The following TMCC3 variants were observed in gnomAD, a reference collection of about 807,000 sequenced individuals.
TMCC3 encodes transmembrane and coiled-coil domain protein 3.
Under a neutral mutation model 40.2 loss-of-function variants are expected in TMCC3, and 28 were observed. The observed-to-expected ratio is 0.70, with a 90% CI of 0.52 to 0.95. The LOEUF is 0.95. Among genes scored for constraint, TMCC3 ranks in the 40% least tolerant of loss-of-function variants. TMCC3 has a pLI of 0.00. For missense variants in TMCC3, 554 were observed against 615.2 expected (o/e 0.90, Z 1.05); for synonymous variants, 255 against 248.5 (o/e 1.03, Z -0.25).
intron 1 of TMCC3, among the ~76,000 whole-genome samples, chr12:94,617,930 T>C (rs1323466704): frequency 6.6e-6 from 1 of 152,236 alleles, no homozygotes; most frequent in Non-Finnish European, 1.5e-5. Context: ...GCCTCTATCC[T>C]CTGGCTCAGT....
At chr12:94,602,988 G>C (rs1337574138) in intron 1 of TMCC3, among the ~76,000 whole-genome samples, 1 of 152,196 alleles carries the variant, frequency 6.6e-6, no homozygotes, top group African/African-American at 2.4e-5. Context: ...AGGTCTGTAA[G>C]GCTGGCATCC....
intron 1 of TMCC3, among the ~76,000 whole-genome samples, chr12:94,608,633 CA>C (rs1268638173): frequency 6.6e-6 from 1 of 152,056 alleles, no homozygotes; most frequent in East Asian, 1.9e-4. Context: ...AGCCGGAAGC[CA>C]AAGTCCTCAT....
rs111947128 is a variant in TMCC3, at chr12:94,582,067, T to A, written c.550A>T (p.Ser184Cys). 5.0e-6 allele frequency: 8 copies of A among 1,614,084 alleles called. No homozygotes were observed. The highest frequency in any genetic ancestry group is 6.8e-6 in the Non-Finnish European group (8 of 1,180,054). ...SRTAPHCMES[S>C]KSGMPGVSLT... ...GAGACCCCTGGCATGCCCGATTTGC[T>A]GCTCTCCATGCAATGGGGGGCAGTT... Residue 184 changes from serine (S) to cysteine (C), a missense_variant, in exon 2 of 4, where the codon AGC becomes TGC. By Grantham distance (112) the Ser-to-Cys change is moderately radical. Transcript: ENST00000261226.
Position 94,594,232 on chromosome 12 carries a change from C to CACACACACAGAGAG in TMCC3, c.79-11695_79-11694insCTCTCTGTGTGTGT, listed in dbSNP as rs1446763750. Among the ~76,000 whole-genome samples the CACACACACAGAGAG allele has an allele frequency of 1.0e-3, 151 of 147,532 alleles. 3 individuals are homozygous for CACACACACAGAGAG. The highest frequency in any genetic ancestry group is 3.6e-3 in the African/African-American group (135 of 37,766). ...ATATATATATACACACACACACACA[C>CACACACACAGAGAG]AGAGTGAGAGAGAGAGAGGTCTCTC... On this transcript the variant is annotated intron_variant, in intron 1 of 3. Transcript: ENST00000261226.
In TMCC3 at chr12:94,582,455, G is replaced by A; in HGVS notation, c.162C>T (p.Val54=). Residue 54 remains valine, a synonymous_variant, in exon 2 of 4, where the codon GTC becomes GTT. Transcript: ENST00000261226. ...GGSDTNLNFD[V]PDGILDFHKV... is the part of the protein sequence containing the mutation. The stretch of plus-strand genomic sequence containing the variant: ...TGTGGAAGTCCAGGATGCCATCCGG[G>A]ACATCAAAGTTGAGGTTGGTGTCTG... 6.2e-7 allele frequency: 1 copy of A among 1,613,956 alleles called. No homozygotes were observed. The highest frequency in any genetic ancestry group is 8.5e-7 in the Non-Finnish European group (1 of 1,180,016).
chr12:94,634,886 T>C lies in TMCC3; in HGVS notation c.78+15467A>G, dbSNP rs116684000. Among the ~76,000 whole-genome samples the C allele has an allele frequency of 5.1e-3, 771 of 152,366 alleles. 5 individuals carry two copies. Among genetic ancestry groups the C allele is most frequent in the African/African-American group, 0.016 (685 of 41,594 alleles). On this transcript the variant is annotated intron_variant, in intron 1 of 3. Transcript: ENST00000261226. ...TAATTTGCTTAAGTCAGGAGGCTTCTACAAGCATGGTGCCTTTCCCAAATG... is the reference window on the plus strand; with the variant it reads ...TAATTTGCTTAAGTCAGGAGGCTTCCACAAGCATGGTGCCTTTCCCAAATG...
intron 1 of TMCC3, among the ~76,000 whole-genome samples, chr12:94,614,723 G>A (rs1487115951): frequency 1.3e-5 from 2 of 151,786 alleles, no homozygotes; most frequent in South Asian, 2.1e-4. Flanking sequence ...GGAACAACTG[G>A]CCTCTCTGAC....
intron 3 of TMCC3, among the ~76,000 whole-genome samples, chr12:94,574,846 A>G (rs2068554746): frequency 6.6e-6 from 1 of 152,246 alleles, no homozygotes; most frequent in Non-Finnish European, 1.5e-5. Flanking sequence ...AGGAAAATCC[A>G]TGAATCTTTG....
At chr12:94,628,204 CCA>C (rs2068913916) in intron 1 of TMCC3, among the ~76,000 whole-genome samples, 2 of 152,274 alleles carry the variant, frequency 1.3e-5, no homozygotes, top group Non-Finnish European at 2.9e-5. Context: ...GACATAGGTA[CCA>C]CTAACCTCAA....
At chr12:94,646,343 C>CAT (rs1383134936) in intron 1 of TMCC3, among the ~76,000 whole-genome samples, 1 of 149,288 alleles carries the variant, frequency 6.7e-6, no homozygotes, top group East Asian at 2.0e-4. Flanking sequence ...ATTAACCTGA[C>CAT]ATATAGACAA....
chr12:94,593,548 TAGA>T (rs2068696774), intron 1 of TMCC3, among the ~76,000 whole-genome samples: 1 of 151,670 alleles, frequency 6.6e-6, no homozygotes, highest in Non-Finnish European at 1.5e-5. Flanking sequence ...GAACAGGGGC[TAGA>T]ATACATATAT....
At chr12:94,610,584 C>T (rs2068810158) in intron 1 of TMCC3, among the ~76,000 whole-genome samples, 1 of 152,106 alleles carries the variant, frequency 6.6e-6, no homozygotes, top group East Asian at 1.9e-4. Context: ...CACCAACCAC[C>T]CCATCTGCTG....
rs1045063864 is a variant in TMCC3, at chr12:94,571,251, G to A, written c.*184C>T. 11 of 647,284 alleles carry A rather than the reference G, an allele frequency of 1.7e-5. No homozygotes were observed. The Admixed American group carries it at 2.1e-4, about 12-fold the overall frequency. 40.1% of individuals were successfully genotyped at this position (647,284 alleles called of 1,614,324 possible). The stretch of plus-strand genomic sequence containing the variant: ...AGCTCTGAAACAGATTCGTGTTAAC[G>A]AAGTACAAGGACTGAGTTGGCAACT... On this transcript the variant is annotated 3_prime_UTR_variant, in exon 4 of 4. Coordinates refer to ENST00000261226, the MANE Select transcript of TMCC3 (RefSeq NM_020698.4).
At chr12:94,616,089 T>A (rs1273880715) in intron 1 of TMCC3, 2 of 985,316 alleles carry the variant, frequency 2.0e-6, no homozygotes, top group Non-Finnish European at 1.2e-6. Context: ...TCTCGGGGTA[T>A]TCCTGTGTTT....
intron 1 of TMCC3, chr12:94,590,698 G>A: frequency 3.4e-6 from 1 of 297,766 alleles, no homozygotes; most frequent in Non-Finnish European, 6.5e-6. Flanking sequence ...ACCTTTGTGT[G>A]TTCTCCCAGA....
chr12:94,645,621 G>A (rs1244103622), intron 1 of TMCC3, among the ~76,000 whole-genome samples: 1 of 152,028 alleles, frequency 6.6e-6, no homozygotes, highest in Non-Finnish European at 1.5e-5. Flanking sequence ...TGTATTTTTA[G>A]TAGAGACCGG....
intron 1 of TMCC3, among the ~76,000 whole-genome samples, chr12:94,583,563 C>T (rs2068620370): frequency 6.6e-6 from 1 of 152,258 alleles, no homozygotes; most frequent in East Asian, 1.9e-4. Context: ...ATAGTTTTCT[C>T]ACTCAAGGGC....
Position 94,568,172 on chromosome 12 carries a change from C to T in TMCC3, c.*3263G>A, listed in dbSNP as rs1291071300. ...TCACGCAGGCAAAAATGCTACCGTT[C>T]CAAGCTACAAACTTGGGACTAATCC... On this transcript the variant is annotated 3_prime_UTR_variant, in exon 4 of 4. Coordinates refer to ENST00000261226, the MANE Select transcript of TMCC3 (RefSeq NM_020698.4). 1 of 152,154 alleles carries T rather than the reference C, an allele frequency of 6.6e-6. No homozygotes were observed. Among genetic ancestry groups the T allele is most frequent in the Admixed American group, 6.6e-5 (1 of 15,264 alleles). The allele number at this position is 152,154 out of a possible 1,614,324, so 9.4% of individuals were successfully genotyped here. A position where few individuals can be genotyped will look rare whatever the true frequency, so the allele number is the denominator to read the frequency against.
At chr12:94,575,118 CAGT>C (rs1284296158) in intron 3 of TMCC3, among the ~76,000 whole-genome samples, 1 of 152,204 alleles carries the variant, frequency 6.6e-6, no homozygotes, top group African/African-American at 2.4e-5. Flanking sequence ...AAAAACCACT[CAGT>C]TGTTTAAAAC....
Sources: gnomAD v4.1 joint callset for allele counts (sites outside exome capture counted in the v4.1 genomes callset) on GRCh38, gnomAD v4.1.1 for gene constraint, MANE v1.5 for transcripts, NCBI Gene and HGNC (gene_info 2026-07-23, HGNC 2026-07-21) for gene names.